Variants in RECQL5 observed in about 807,000 individuals in gnomAD.
RECQL5 encodes the protein ATP-dependent DNA helicase Q5.
A neutral mutation model predicts 103.4 loss-of-function variants in RECQL5; 88 were observed. The observed-to-expected ratio is 0.85, with a 90% confidence interval of 0.72 to 1.02. The LOEUF is 1.02. RECQL5 is among the 50% of genes least tolerant of loss of function. The pLI is 0.00. For synonymous variants in RECQL5, 552 were observed against 507.9 expected (o/e 1.09, Z -1.17); for missense variants, 1,232 against 1,284.3 (o/e 0.96, Z 0.62).
intron 13 of RECQL5, 85 bp from the exon 14 acceptor site, chr17:75,630,362 G>C: frequency 8.0e-7 from 1 of 1,253,684 alleles, no homozygotes; most frequent in South Asian, 1.5e-5. Flanking sequence ...CAGGCCTGGT[G>C]GGGTAGGCCT....
chr17:75,648,056 C>A, intron 8 of RECQL5: 1 of 167,338 alleles, frequency 6.0e-6, no homozygotes. Context: ...GGCCTGCACG[C>A]TCTAGCCTGC....
Position 75,630,843 on chromosome 17 carries a change from G to GTA in RECQL5, c.1586-7_1586-6insTA. The GTA allele has an allele frequency of 7.6e-7, 1 of 1,311,064 alleles. No individual in the cohort carries two copies. Among genetic ancestry groups the GTA allele is most frequent in the Non-Finnish European group, 1.0e-6 (1 of 985,614 alleles). The allele number at this position is 1,311,064 out of a possible 1,614,324, so 81.2% of individuals were successfully genotyped here. A position where few individuals can be genotyped will look rare whatever the true frequency, so the allele number is the denominator to read the frequency against. On this transcript the variant is annotated splice_region_variant and splice_polypyrimidine_tract_variant and intron_variant, in intron 11 of 19. Transcript: ENST00000317905. ...TTTCAGGGGACAGTTCTCATCTGTG[G>GTA]GGGGGGGGGGTGGTCCTTGGTCCTT...
intron 7 of RECQL5, among the ~76,000 whole-genome samples, chr17:75,656,393 T>G (rs2059620723): frequency 1.3e-5 from 2 of 152,276 alleles, no homozygotes; most frequent in South Asian, 2.1e-4. Flanking sequence ...GGGAGCTTTT[T>G]GAAAAAAACT....
intron 3 of RECQL5, 67 bp from the exon 4 acceptor site, chr17:75,663,064 G>T: frequency 2.0e-6 from 3 of 1,480,232 alleles, no homozygotes; most frequent in Non-Finnish European, 2.7e-6. Flanking sequence ...CAAGTCCCTG[G>T]AGGATTTCCC....
intron 16 of RECQL5, 44 bp downstream of exon 16, chr17:75,628,890 G>A (rs748073930): frequency 2.5e-6 from 4 of 1,582,798 alleles, no homozygotes; most frequent in Non-Finnish European, 2.6e-6. Flanking sequence ...AGGGGATGCT[G>A]CCGTGTAGGT....
chr17:75,652,717 G>A (rs1053994592), intron 7 of RECQL5, among the ~76,000 whole-genome samples: 2 of 152,208 alleles, frequency 1.3e-5, no homozygotes, highest in African/African-American at 4.8e-5. Context: ...CCTGAGCGCA[G>A]GGTAAAGCTG....
At position 75,659,655 on chromosome 17, in the gene RECQL5, C is replaced by G. The variant is rs1190886025; in HGVS notation, c.987-1195G>C. Among the ~76,000 whole-genome samples, 5 of 152,134 alleles carry G rather than the reference C, an allele frequency of 3.3e-5. No individual in the cohort carries two copies. The East Asian group carries it at 9.6e-4, about 29-fold the overall frequency. Reference sequence around the variant, plus strand: ...AGGTGTGAACCACTACACCTGGCAGCATACCCAGGGTTCGAACTCTGATTC... The same window carrying G: ...AGGTGTGAACCACTACACCTGGCAGGATACCCAGGGTTCGAACTCTGATTC... On this transcript the variant is annotated intron_variant, in intron 6 of 19. Transcript: ENST00000317905.
At chr17:75,632,591 C>T (rs2059239015) in intron 8 of RECQL5, among the ~76,000 whole-genome samples, 1 of 152,258 alleles carries the variant, frequency 6.6e-6, no homozygotes, top group Admixed American at 6.5e-5. Flanking sequence ...TGTCTCAACC[C>T]TGCTGCAGCC....
chr17:75,666,373 C>T (rs2059781457), intron 2 of RECQL5, 55 bp downstream of exon 2: 4 of 1,594,212 alleles, frequency 2.5e-6, no homozygotes, highest in Non-Finnish European at 3.4e-6. Flanking sequence ...TGTTCTGCCG[C>T]AGCGTTATGG....
Position 75,665,100 on chromosome 17 carries a change from AAC to A in RECQL5, c.201_202del (p.Leu68GlyfsTer47). 1.2e-6 allele frequency: 2 copies of A among 1,612,734 alleles called. No homozygotes were observed. Among genetic ancestry groups the A allele is most frequent in the Non-Finnish European group, 1.7e-6 (2 of 1,179,528 alleles). On this transcript the variant is annotated frameshift_variant, in exon 3 of 20. Transcript: ENST00000317905. LOFTEE classifies it high-confidence loss of function. ...GACTACAATGGTGATGCCTTTGGCC[AAC>A]AGAGCAGGGAGCTGATAGCATAGGG... is the stretch of plus-strand genomic sequence containing the variant.
rs201204572 is a variant in RECQL5, at chr17:75,658,453, C to T, written c.994G>A (p.Ala332Thr). 14 of 1,613,108 alleles carry T rather than the reference C, an allele frequency of 8.7e-6. No homozygotes were observed. The highest frequency in any genetic ancestry group is 4.4e-5 in the South Asian group (4 of 91,022). ...ATAGACTTGGCAATATTCCAATGGGCGACAAACCTGTAGGATCCAAAGGGA... is the reference window on the plus strand; with the variant it reads ...ATAGACTTGGCAATATTCCAATGGGTGACAAACCTGTAGGATCCAAAGGGA... ...GVDKANVRFV[A>T]HWNIAKSMAG... Residue 332 changes from alanine (A) to threonine (T), a missense_variant, in exon 7 of 20, where the codon GCC becomes ACC. Physicochemically the swap from Ala to Thr is moderately conservative, Grantham distance 58. Transcript: ENST00000317905.
At chr17:75,647,230 C>T (rs2059499153) in intron 8 of RECQL5, 1 of 662,392 alleles carries the variant, frequency 1.5e-6, no homozygotes, top group South Asian at 2.0e-5. Context: ...GACTCTAGCC[C>T]TTTCATGTCC....
chr17:75,631,123 C>A (rs1225315217), intron 10 of RECQL5, 27 bp downstream of exon 10: 1 of 1,611,222 alleles, frequency 6.2e-7, no homozygotes, highest in African/African-American at 1.3e-5. Context: ...AGGGGCCCCA[C>A]ACAGGCCACT....
intron 7 of RECQL5, among the ~76,000 whole-genome samples, chr17:75,653,939 CA>C (rs1470339754): frequency 6.6e-6 from 1 of 151,566 alleles, no homozygotes; most frequent in Non-Finnish European, 1.5e-5. Context: ...CCCAAAAAAA[CA>C]AAAACCAGAC....
intron 8 of RECQL5, chr17:75,648,750 T>C (rs1192245863): frequency 6.8e-6 from 1 of 147,432 alleles, no homozygotes; most frequent in African/African-American, 2.5e-5. Flanking sequence ...CTCGGCTCAC[T>C]GCAGATTCGA....
chr17:75,646,308 G>A (rs895446399), intron 8 of RECQL5: 2 of 152,358 alleles, frequency 1.3e-5, no homozygotes, highest in African/African-American at 4.8e-5. Context: ...AGGGCTTCCT[G>A]AGCTCGGGGC....
intron 7 of RECQL5, among the ~76,000 whole-genome samples, 164 bp downstream of exon 7, chr17:75,658,134 G>GT (rs2059651933): frequency 6.6e-6 from 1 of 152,266 alleles, no homozygotes; most frequent in African/African-American, 2.4e-5. Flanking sequence ...CTAGCTTGTT[G>GT]TAAGCTGCCT....
chr17:75,629,721 G>A lies in RECQL5; in HGVS notation c.1934C>T (p.Ser645Phe). 6.2e-7 allele frequency: 1 copy of A among 1,611,336 alleles called. No individual in the cohort carries two copies. Among genetic ancestry groups the A allele is most frequent in the South Asian group, 1.1e-5 (1 of 90,924 alleles). The part of the protein sequence containing the change: ...EPNEYDIPPA[S>F]HVYSLKPKRV... ...GCCACAGCTCACCGAGTACACATGG[G>A]AGGCTGGTGGAATGTCATACTCATT... Residue 645 changes from serine to phenylalanine, a missense_variant, in exon 15 of 20, where the codon TCC (serine) becomes TTC (phenylalanine). By Grantham distance (155) the Ser-to-Phe change is radical. Transcript: ENST00000317905.
intron 14 of RECQL5, 65 bp downstream of exon 14, chr17:75,630,119 A>C (rs1229126000): frequency 2.2e-6 from 3 of 1,345,290 alleles, no homozygotes; most frequent in African/African-American, 2.9e-5. Flanking sequence ...GCTGGCAGAC[A>C]GCTTCTGCGT....
Sources: allele counts gnomAD v4.1 joint callset (sites outside exome capture counted in the v4.1 genomes callset), GRCh38; gene constraint gnomAD v4.1.1; transcripts MANE v1.5; gene names NCBI Gene and HGNC (gene_info 2026-07-23, HGNC 2026-07-21).